CDHR3: variants seen among roughly 807,000 people sequenced by gnomAD.
The protein encoded by CDHR3 is cadherin related family member 3, also known as cadherin-related family member 3.
Under a neutral mutation model 86.6 loss-of-function variants are expected in CDHR3, and 79 were observed. The ratio of observed to expected loss-of-function variants is 0.91; its 90% confidence interval spans 0.76 to 1.10. The LOEUF is 1.10. CDHR3 is among the 50% of genes least tolerant of loss of function. The probability of loss-of-function intolerance (pLI) is 0.00; values close to 1 mark genes in which losing one functional copy is unlikely to be tolerated. For missense variants in CDHR3, 1,081 were observed against 1,077.6 expected (o/e 1.00, Z -0.04); for synonymous variants, 421 against 402.4 (o/e 1.05, Z -0.55).
In CDHR3 at chr7:106,035,398, C is replaced by T. The variant is rs181335545; in HGVS notation, c.*2701C>T. On this transcript the variant is annotated 3_prime_UTR_variant, in exon 19 of 19. Coordinates refer to ENST00000317716, the MANE Select transcript of CDHR3 (RefSeq NM_152750.5). ...CTTTTGTATATCCGGCTATTTGGTT[C>T]GGGGAAATCCAGAAGTCAAAGTGTC... Among the ~76,000 whole-genome samples, 168 of 152,256 alleles carry T rather than the reference C, an allele frequency of 1.1e-3. 1 individual carries two copies. The highest frequency in any genetic ancestry group is 6.2e-4 in the Non-Finnish European group (42 of 68,018).
At chr7:105,977,103 C>G (rs938530164) in intron 2 of CDHR3, among the ~76,000 whole-genome samples, 8 of 151,952 alleles carry the variant, frequency 5.3e-5, no homozygotes, top group African/African-American at 1.9e-4. Context: ...AGGCACTGCA[C>G]CACCACACGT....
chr7:105,998,309 C>T (rs1832575714), intron 6 of CDHR3, among the ~76,000 whole-genome samples: 2 of 152,178 alleles, frequency 1.3e-5, no homozygotes, highest in South Asian at 4.1e-4. Context: ...GTAAAATGTA[C>T]AGACAGCCTT....
At chr7:105,972,771 C>T (rs1354372169) in intron 1 of CDHR3, among the ~76,000 whole-genome samples, 2 of 152,086 alleles carry the variant, frequency 1.3e-5, no homozygotes, top group East Asian at 3.9e-4. Context: ...TTCGCATCAC[C>T]CTAAACTTCA....
chr7:106,014,667 G>T (rs900141512), intron 9 of CDHR3, among the ~76,000 whole-genome samples: 1 of 152,096 alleles, frequency 6.6e-6, no homozygotes. Flanking sequence ...ATGTGAATAT[G>T]GCTTCTCTCT....
chr7:106,015,570 C>A (rs1264025876), intron 10 of CDHR3, among the ~76,000 whole-genome samples: 1 of 152,080 alleles, frequency 6.6e-6, no homozygotes, highest in Non-Finnish European at 1.5e-5. Flanking sequence ...ACTGGGCAAA[C>A]AGCTTGAAGT....
chr7:106,027,532 C>G (rs779679958), intron 16 of CDHR3: 4 of 303,300 alleles, frequency 1.3e-5, no homozygotes, highest in Non-Finnish European at 2.7e-5. Context: ...TGACTGACTT[C>G]AGAGAAGTGG....
chr7:106,035,666 C>T lies in CDHR3; in HGVS notation c.*2969C>T, dbSNP rs1411297053. 1 of 152,178 alleles carries T rather than the reference C, an allele frequency of 6.6e-6. No homozygotes were observed. The highest frequency in any genetic ancestry group is 1.9e-4 in the East Asian group (1 of 5,182). 9.4% of individuals were successfully genotyped at this position (152,178 alleles called of 1,614,324 possible). ...GGTTTCCCCTTGGCCACTTCATGCT[C>T]ACCTCATGGAAATGAAGTAGTGGAC... is the stretch of plus-strand genomic sequence containing the variant. On this transcript the variant is annotated 3_prime_UTR_variant, in exon 19 of 19. Coordinates refer to ENST00000317716, the MANE Select transcript of CDHR3 (RefSeq NM_152750.5).
intron 7 of CDHR3, among the ~76,000 whole-genome samples, chr7:106,003,988 C>CTAAA: frequency 4.4e-5 from 1 of 22,534 alleles, no homozygotes; most frequent in South Asian, 1.1e-3. Context: ...ACCAACCTAA[C>CTAAA]CAAAAAAAAA....
chr7:105,995,279 C>G (rs1258458465), intron 5 of CDHR3, among the ~76,000 whole-genome samples: 1 of 152,196 alleles, frequency 6.6e-6, no homozygotes, highest in East Asian at 1.9e-4. Flanking sequence ...TCAAGCCACT[C>G]CACAGGTCAG....
intron 1 of CDHR3, among the ~76,000 whole-genome samples, chr7:105,967,786 A>G (rs971065252): frequency 3.9e-5 from 6 of 152,048 alleles, no homozygotes; most frequent in Non-Finnish European, 7.4e-5. Context: ...TCCTTCACCC[A>G]CTTTTTGATG....
intron 4 of CDHR3, among the ~76,000 whole-genome samples, chr7:105,992,258 G>A (rs76315916): frequency 0.018 from 2,759 of 152,280 alleles, 89 homozygotes; most frequent in African/African-American, 0.063. Context: ...AGGACGCCCT[G>A]ATTCAGGTAC....
At chr7:105,970,162 C>T (rs1827727315) in intron 1 of CDHR3, among the ~76,000 whole-genome samples, 1 of 151,766 alleles carries the variant, frequency 6.6e-6, no homozygotes, top group South Asian at 2.1e-4. Flanking sequence ...GTTAGAGCAG[C>T]TACACCCCAA....
At position 106,030,773 on chromosome 7, in the gene CDHR3, G is replaced by T. The variant is rs1371755707; in HGVS notation, c.2305-19G>T. The T allele has an allele frequency of 5.6e-6, 9 of 1,606,476 alleles. No homozygotes were observed. The highest frequency in any genetic ancestry group is 1.7e-4 in the Middle Eastern group (1 of 6,058). ...GGAATGTAGGATTGTGTTTGATGCT[G>T]TCTCTGTCTTCTCCTTAGGAAACTA... is the stretch of plus-strand genomic sequence containing the variant. On this transcript the variant is annotated intron_variant, in intron 17 of 18. Transcript: ENST00000317716. This position sits in a 1 kb window ranked among gnomAD's most constrained non-coding sequence, Gnocchi z 4.8.
intron 15 of CDHR3, 47 bp downstream of exon 15, chr7:106,024,609 A>T: frequency 6.4e-7 from 1 of 1,574,352 alleles, no homozygotes; most frequent in Non-Finnish European, 8.7e-7. Context: ...CCTTTAGGAC[A>T]CTGTTTCTGG....
Position 106,015,170 on chromosome 7 carries a change from G to T in CDHR3, c.1284G>T (p.Thr428=), listed in dbSNP as rs775526761. 6.2e-7 allele frequency: 1 copy of T among 1,611,498 alleles called. No homozygotes were observed. Among genetic ancestry groups the T allele is most frequent in the Non-Finnish European group, 8.5e-7 (1 of 1,178,956 alleles). ...PSNLAAGNKY[T]VIIQVQDVAP... Reference sequence around the variant, plus strand: ...ACCTAGCAGCCGGCAATAAATATACGGTGATAATCCAGGTGCAGGATGTGG... The same window carrying T: ...ACCTAGCAGCCGGCAATAAATATACTGTGATAATCCAGGTGCAGGATGTGG... Residue 428 remains threonine (T), a synonymous_variant, in exon 10 of 19, where the codon ACG becomes ACT. Transcript: ENST00000317716.
rs373342470 is a variant in CDHR3 at position 105,997,197 on chromosome 7, A to G, written c.713+843A>G. Among the ~76,000 whole-genome samples, 6 of 152,310 alleles carry G rather than the reference A, an allele frequency of 3.9e-5. No individual in the cohort carries two copies. In the East Asian group the frequency reaches 9.6e-4, roughly 24 times the overall value. ...ACCATTAGGCCTCAGAGCTGGGTAG[A>G]GGACTTGCAAAACTACTCCAAGATT... On this transcript the variant is annotated intron_variant, in intron 6 of 18. Transcript: ENST00000317716.
chr7:106,002,158 G>A (rs1282913966), intron 7 of CDHR3, among the ~76,000 whole-genome samples: 2 of 152,158 alleles, frequency 1.3e-5, no homozygotes, highest in South Asian at 4.1e-4. Context: ...TGTGGGGGAT[G>A]GGTGGGGGGC....
At chr7:105,963,562 T>C (rs954643975) in intron 1 of CDHR3, among the ~76,000 whole-genome samples, 198 bp downstream of exon 1, 14 of 152,314 alleles carry the variant, frequency 9.2e-5, no homozygotes, top group African/African-American at 3.1e-4. Flanking sequence ...AGAGAGATGC[T>C]TAAAGAGCCT....
At chr7:105,997,770 T>C (rs1832482646) in intron 6 of CDHR3, among the ~76,000 whole-genome samples, 1 of 151,662 alleles carries the variant, frequency 6.6e-6, no homozygotes, top group African/African-American at 2.4e-5. Context: ...TTGGATCACA[T>C]CTTCCAAAAT....
Sources: allele counts gnomAD v4.1 joint callset (sites outside exome capture counted in the v4.1 genomes callset), GRCh38; gene constraint gnomAD v4.1.1; non-coding constraint Gnocchi (gnomAD v3.1); transcripts MANE v1.5; gene names NCBI Gene and HGNC (gene_info 2026-07-23, HGNC 2026-07-21).